Variants in RPIA observed in about 807,000 individuals in gnomAD.
The protein encoded by RPIA is ribose-5-phosphate isomerase.
In RPIA, 29 loss-of-function variants were observed where a neutral mutation model predicts 37.8. That is an observed-to-expected ratio of 0.77 (90% CI 0.57 to 1.05). The LOEUF is 1.05. Among genes scored for constraint, RPIA ranks in the 50% least tolerant of loss-of-function variants. The probability of loss-of-function intolerance (pLI) is 0.00; values close to 1 mark genes in which losing one functional copy is unlikely to be tolerated. For synonymous variants in RPIA, 167 were observed against 157.0 expected, an observed-to-expected ratio of 1.06 and a Z score of -0.48; for missense variants, 385 against 413.6, an observed-to-expected ratio of 0.93 and a Z score of 0.60.
intron 3 of RPIA, among the ~76,000 whole-genome samples, chr2:88,728,073 C>A (rs963281545): frequency 6.6e-5 from 10 of 152,134 alleles, no homozygotes; most frequent in Admixed American, 6.6e-4. Flanking sequence ...GGCATAATAT[C>A]ATTTCATTGT....
chr2:88,749,484 AT>A (rs1179752638), intron 8 of RPIA, among the ~76,000 whole-genome samples: 5 of 152,122 alleles, frequency 3.3e-5, no homozygotes, highest in African/African-American at 1.2e-4. Context: ...AATTGTTTAT[AT>A]TTTTGATATG....
Position 88,691,722 on chromosome 2 carries a change from C to T in RPIA, c.24C>T (p.Ser8=), listed in dbSNP as rs1381903251. ...GGATGCAGCGCCCCGGGCCCTTCAG[C>T]ACCCTCTACGGGCGGGTCTTGGCCC... MQRPGPF[S]TLYGRVLAPL... The change falls in exon 1 of 9, where the codon AGC becomes AGT. Residue 8 remains serine (S), a synonymous_variant. Transcript: ENST00000283646. 1.3e-6 allele frequency: 2 copies of T among 1,589,846 alleles called. No homozygotes were observed. Among genetic ancestry groups the T allele is most frequent in the Non-Finnish European group, 1.7e-6 (2 of 1,173,746 alleles).
At chr2:88,726,580 AAT>A (rs1673199821) in intron 3 of RPIA, among the ~76,000 whole-genome samples, 1 of 152,182 alleles carries the variant, frequency 6.6e-6, no homozygotes, top group Non-Finnish European at 1.5e-5. Flanking sequence ...GCACTCCACA[AAT>A]ATTCAAAGAA....
At chr2:88,717,089 A>G (rs555505686) in intron 3 of RPIA, among the ~76,000 whole-genome samples, 2 of 152,270 alleles carry the variant, frequency 1.3e-5, no homozygotes, top group East Asian at 1.9e-4. Context: ...ATGGGGCAGA[A>G]TGGTCTTTGG....
intron 3 of RPIA, among the ~76,000 whole-genome samples, chr2:88,722,601 T>C (rs1366288319): frequency 2.0e-5 from 3 of 152,214 alleles, no homozygotes; most frequent in African/African-American, 7.2e-5. Flanking sequence ...GTTTGTAGTT[T>C]AGCTTTGAAA....
chr2:88,696,792 C>T (rs1293515544), intron 1 of RPIA, among the ~76,000 whole-genome samples: 3 of 152,204 alleles, frequency 2.0e-5, no homozygotes, highest in South Asian at 2.1e-4. Flanking sequence ...AATATCAAGG[C>T]GTTGGCATCT....
At chr2:88,737,611 G>A (rs1254472482) in intron 7 of RPIA, among the ~76,000 whole-genome samples, 1 of 152,178 alleles carries the variant, frequency 6.6e-6, no homozygotes, top group Non-Finnish European at 1.5e-5. Flanking sequence ...TAAGGAAGCA[G>A]ATAAGAACAA....
chr2:88,704,146 T>G lies in RPIA; in HGVS notation c.402+4082T>G, dbSNP rs147864462. On this transcript the variant is annotated intron_variant, in intron 3 of 8. Coordinates refer to ENST00000283646, the MANE Select transcript of RPIA (RefSeq NM_144563.3). ...CAAACTTAACCACATTTTTCTGTCTTCTGAGCCCTCCAAACTGTTCCAACC... is the reference window on the plus strand; with the variant it reads ...CAAACTTAACCACATTTTTCTGTCTGCTGAGCCCTCCAAACTGTTCCAACC... 5.3e-5 allele frequency among the ~76,000 whole-genome samples: 8 copies of G among 152,326 alleles called. No individual in the cohort carries two copies. The East Asian group carries it at 1.5e-3, about 29-fold the overall frequency.
chr2:88,708,657 T>G (rs948584070), intron 3 of RPIA, among the ~76,000 whole-genome samples: 1 of 152,198 alleles, frequency 6.6e-6, no homozygotes, highest in Non-Finnish European at 1.5e-5. Flanking sequence ...AAGTGGGTAA[T>G]TGATGTTATC....
At chr2:88,718,706 A>C (rs1673066467) in intron 3 of RPIA, among the ~76,000 whole-genome samples, 1 of 152,194 alleles carries the variant, frequency 6.6e-6, no homozygotes, top group Non-Finnish European at 1.5e-5. Context: ...ATTGTGCCCC[A>C]TTACGAATGA....
intron 8 of RPIA, among the ~76,000 whole-genome samples, chr2:88,749,496 A>G (rs779635398): frequency 6.6e-6 from 1 of 152,202 alleles, no homozygotes; most frequent in Non-Finnish European, 1.5e-5. Flanking sequence ...TTTTGATATG[A>G]GTCCTTTGTC....
chr2:88,747,377 C>T (rs1673450173), intron 8 of RPIA, among the ~76,000 whole-genome samples: 1 of 152,234 alleles, frequency 6.6e-6, no homozygotes, highest in African/African-American at 2.4e-5. Flanking sequence ...GCAGGCCTCT[C>T]AGGCCTCGCC....
At chr2:88,747,653 G>A (rs1477330353) in intron 8 of RPIA, among the ~76,000 whole-genome samples, 1 of 152,116 alleles carries the variant, frequency 6.6e-6, no homozygotes, top group Non-Finnish European at 1.5e-5. Flanking sequence ...TCTTCCTGCT[G>A]CTGCTTCTAC....
chr2:88,749,559 T>C (rs1338665072), intron 8 of RPIA, among the ~76,000 whole-genome samples: 1 of 152,214 alleles, frequency 6.6e-6, no homozygotes, highest in Non-Finnish European at 1.5e-5. Flanking sequence ...CTTTCAAGGC[T>C]GGTGGTATGA....
Position 88,749,998 on chromosome 2 carries a change from C to T in RPIA, c.856C>T (p.Leu286=). ...KMIPGVVDTG[L]FINMAERVYF... ...TCCTGCAGGTGTGGTGGACACAGGC[C>T]TATTCATCAACATGGCTGAGAGAGT... The change falls in exon 9 of 9, where the codon CTA becomes TTA. Residue 286 remains leucine (L), a synonymous_variant. Coordinates refer to ENST00000283646, the MANE Select transcript of RPIA (RefSeq NM_144563.3). 1 of 1,612,744 alleles carries T rather than the reference C, an allele frequency of 6.2e-7. No homozygotes were observed. The highest frequency in any genetic ancestry group is 1.7e-5 in the Admixed American group (1 of 60,004).
chr2:88,698,249 A>C (rs896962485), intron 1 of RPIA, among the ~76,000 whole-genome samples: 4 of 152,080 alleles, frequency 2.6e-5, no homozygotes, highest in Non-Finnish European at 5.9e-5. Flanking sequence ...TGGTGTTGAC[A>C]GTGTCAGAAA....
At chr2:88,746,779 C>G (rs10209109) in intron 8 of RPIA, among the ~76,000 whole-genome samples, 9,203 of 152,240 alleles carry the variant, frequency 0.06, 492 homozygotes, top group African/African-American at 0.14. Flanking sequence ...GACTCAGGAT[C>G]TCTGGTTAGC....
intron 3 of RPIA, among the ~76,000 whole-genome samples, chr2:88,720,242 A>T (rs1223805480): frequency 9.8e-5 from 14 of 142,488 alleles, no homozygotes; most frequent in South Asian, 6.4e-4. Context: ...TTAAAAAAAA[A>T]TTTGTCTCAG....
rs180719922 is a variant in RPIA at position 88,716,371 on chromosome 2, A to G, written c.403-12907A>G. Among the ~76,000 whole-genome samples the G allele has an allele frequency of 1.4e-4, 22 of 152,322 alleles. No individual in the cohort carries two copies. The East Asian group carries it at 2.7e-3, about 19-fold the overall frequency. ...GTACCCCAACCACCTTGGGACACAT[A>G]TCAGGACCTCCTGAGTCTCTGTCAC... On this transcript the variant is annotated intron_variant, in intron 3 of 8. Coordinates refer to ENST00000283646, the MANE Select transcript of RPIA (RefSeq NM_144563.3).
Sources: allele counts gnomAD v4.1 joint callset (sites outside exome capture counted in the v4.1 genomes callset), GRCh38; gene constraint gnomAD v4.1.1; transcripts MANE v1.5; gene names NCBI Gene and HGNC (gene_info 2026-07-23, HGNC 2026-07-21).